The following PCYT2 variants were observed in gnomAD, a reference collection of about 807,000 sequenced individuals.
PCYT2 encodes ethanolamine-phosphate cytidylyltransferase.
Under a neutral mutation model 50.0 loss-of-function variants are expected in PCYT2, and 33 were observed. The observed-to-expected ratio is 0.66, with a 90% CI of 0.50 to 0.88. PCYT2 has a LOEUF of 0.88. Among genes scored for constraint, PCYT2 ranks in the 40% least tolerant of loss-of-function variants. PCYT2 has a pLI of 0.00. For missense variants in PCYT2, 430 were observed against 519.7 expected (o/e 0.83, Z 1.68); for synonymous variants, 240 against 203.7 (o/e 1.18, Z -1.52).
At position 81,906,549 on chromosome 17, in the gene PCYT2, G is replaced by A. The variant is rs1455014828; in HGVS notation, c.677-3C>T. On this transcript the variant is annotated splice_region_variant and splice_polypyrimidine_tract_variant and intron_variant, in intron 7 of 12. Transcript: ENST00000538936. ...CAGGAAGTCCACATGCCCGATGTCT[G>A]CACCCAGGTTAAGAAGCAGTCGGGA... is the stretch of plus-strand genomic sequence containing the variant. 2 of 1,613,216 alleles carry A rather than the reference G, an allele frequency of 1.2e-6. No homozygotes were observed. The highest frequency in any genetic ancestry group is 1.7e-5 in the Admixed American group (1 of 60,020).
At chr17:81,906,734 G>A (rs750414060) in intron 7 of PCYT2, 26 bp downstream of exon 7, 7 of 1,610,460 alleles carry the variant, frequency 4.3e-6, no homozygotes, top group East Asian at 2.2e-5. Context: ...GCACATGTAG[G>A]GGAGCAGCAG....
Position 81,902,356 on chromosome 17 carries a change from A to C in PCYT2, c.*2477T>G. 1.5e-6 allele frequency: 2 copies of C among 1,346,234 alleles called. No individual in the cohort carries two copies. The highest frequency in any genetic ancestry group is 1.9e-6 in the Non-Finnish European group (2 of 1,058,874). 83.4% of individuals were successfully genotyped at this position (1,346,234 alleles called of 1,614,324 possible). A position where few individuals can be genotyped will look rare whatever the true frequency, so the allele number is the denominator to read the frequency against. On this transcript the variant is annotated 3_prime_UTR_variant, in exon 13 of 13. Transcript: ENST00000538936. ...GGCGCCGCCTGGCCTCGCGTGGTAC[A>C]AGCCAGCGGCGGGGCACAGCTCCTA...
At chr17:81,905,020 G>T in intron 12 of PCYT2, 46 bp downstream of exon 12, 1 of 1,592,408 alleles carries the variant, frequency 6.3e-7, no homozygotes, top group Non-Finnish European at 8.6e-7. Flanking sequence ...AAGTCTAGCG[G>T]AGAGCGCCCA....
intron 3 of PCYT2, 67 bp from the exon 4 acceptor site, chr17:81,908,701 C>A: frequency 7.0e-7 from 1 of 1,419,718 alleles, no homozygotes; most frequent in Non-Finnish European, 9.9e-7. Context: ...GAGCCCAGGA[C>A]CCTCTCGGCC....
intron 1 of PCYT2, among the ~76,000 whole-genome samples, chr17:81,910,017 G>A (rs1057018230): frequency 6.6e-6 from 1 of 152,172 alleles, no homozygotes; most frequent in Non-Finnish European, 1.5e-5. Flanking sequence ...AGACTACCTT[G>A]AGACAAGCAA....
Position 81,905,395 on chromosome 17 carries a change from G to C in PCYT2, c.956C>G (p.Ser319Cys), listed in dbSNP as rs978681091. ...KTEIIPDRDG[S>C]DPYQEPKRRG... ...AGCATGACCCACCTGGTATGGGTCGGAGCCATCCCTGTCAGGGATAATTTC... is the reference window on the plus strand; with the variant it reads ...AGCATGACCCACCTGGTATGGGTCGCAGCCATCCCTGTCAGGGATAATTTC... Residue 319 changes from serine to cysteine, a missense_variant, in exon 11 of 13, where the codon TCC becomes TGC. Around this residue, in one of 4 missense-constraint regions of PCYT2, gnomAD observed 248 missense variants for 300.2 expected, o/e 0.83. Coordinates refer to ENST00000538936, the MANE Select transcript of PCYT2 (RefSeq NM_002861.5). The C allele has an allele frequency of 5.1e-6, 8 of 1,560,898 alleles. No homozygotes were observed. The highest frequency in any genetic ancestry group is 6.9e-6 in the Non-Finnish European group (8 of 1,152,492).
In PCYT2 at chr17:81,909,152, G is replaced by C. The variant is rs185044747; in HGVS notation, c.179-115C>G. 8.9e-5 allele frequency: 135 copies of C among 1,510,668 alleles called. 1 individual carries two copies. In the East Asian group the frequency reaches 2.5e-3, roughly 28 times the overall value. 93.6% of individuals were successfully genotyped at this position (1,510,668 alleles called of 1,614,324 possible). On this transcript the variant is annotated intron_variant, in intron 2 of 12. Transcript: ENST00000538936. ...ACAAGAGGGCCGGTGGGGGCAGGCT[G>C]TCTCTCTACCCTGGCCCTTAGCCCA... is the stretch of plus-strand genomic sequence containing the variant.
chr17:81,908,757 C>G, intron 3 of PCYT2, 119 bp downstream of exon 3: 1 of 1,333,068 alleles, frequency 7.5e-7, no homozygotes, highest in East Asian at 2.3e-5. Flanking sequence ...GGTGGGGGCC[C>G]GGAAATGTCT....
At position 81,902,288 on chromosome 17, in the gene PCYT2, C is replaced by G. The variant is rs1021028439; in HGVS notation, c.*2545G>C. The G allele has an allele frequency of 1.5e-6, 2 of 1,319,418 alleles. No homozygotes were observed. The highest frequency in any genetic ancestry group is 1.9e-6 in the Non-Finnish European group (2 of 1,041,904). 81.7% of individuals were successfully genotyped at this position (1,319,418 alleles called of 1,614,324 possible). Reference sequence around the variant, plus strand: ...TCAGCCGGCGTCCCCATGGCCCGGTCCGCGACACTGGCGGCCGCCGCCCTG... The same window carrying G: ...TCAGCCGGCGTCCCCATGGCCCGGTGCGCGACACTGGCGGCCGCCGCCCTG... On this transcript the variant is annotated 3_prime_UTR_variant, in exon 13 of 13. Transcript: ENST00000538936.
Position 81,907,668 on chromosome 17 carries a change from G to A in PCYT2, c.493-70C>T. 8 of 1,596,566 alleles carry A rather than the reference G, an allele frequency of 5.0e-6. No homozygotes were observed. The South Asian group carries it at 8.9e-5, about 18-fold the overall frequency. ...CGTGGCCACCCCAGAACCGGCTGGG[G>A]ATGGGGAGCAGTGGGCAGGAGGACC... On this transcript the variant is annotated intron_variant, in intron 5 of 12. Coordinates refer to ENST00000538936, the MANE Select transcript of PCYT2 (RefSeq NM_002861.5).
intron 5 of PCYT2, 62 bp from the exon 6 acceptor site, chr17:81,907,660 C>T (rs1206371985): frequency 1.0e-5 from 16 of 1,598,628 alleles, no homozygotes; most frequent in East Asian, 4.5e-5. Context: ...ACCCCAGAAC[C>T]GGCTGGGGAT....
At chr17:81,908,499 CA>C in intron 4 of PCYT2, 68 bp downstream of exon 4, 1 of 1,253,874 alleles carries the variant, frequency 8.0e-7, no homozygotes, top group East Asian at 2.3e-5. Context: ...CGGTAAATAG[CA>C]AAGCACGAGC....
Position 81,902,165 on chromosome 17 carries a change from G to A in PCYT2, c.*2668C>T. 1 of 803,408 alleles carries A rather than the reference G, an allele frequency of 1.2e-6. No individual in the cohort carries two copies. Among genetic ancestry groups the A allele is most frequent in the East Asian group, 4.1e-5 (1 of 24,410 alleles). 49.8% of individuals were successfully genotyped at this position (803,408 alleles called of 1,614,324 possible). Reference sequence around the variant, plus strand: ...CCCGCTGCACCCCAGCCCGCCCGCCGCCCCTCCCGGCCCTCCGCAGCCTCG... The same window carrying A: ...CCCGCTGCACCCCAGCCCGCCCGCCACCCCTCCCGGCCCTCCGCAGCCTCG... On this transcript the variant is annotated 3_prime_UTR_variant, in exon 13 of 13. Coordinates refer to ENST00000538936, the MANE Select transcript of PCYT2 (RefSeq NM_002861.5).
In PCYT2 at chr17:81,902,194, C is replaced by T. The variant is rs897266476; in HGVS notation, c.*2639G>A. 12 of 1,174,864 alleles carry T rather than the reference C, an allele frequency of 1.0e-5. No homozygotes were observed. Among genetic ancestry groups the T allele is most frequent in the African/African-American group, 6.4e-5 (4 of 62,550 alleles). 72.8% of individuals were successfully genotyped at this position (1,174,864 alleles called of 1,614,324 possible). On this transcript the variant is annotated 3_prime_UTR_variant, in exon 13 of 13. Coordinates refer to ENST00000538936, the MANE Select transcript of PCYT2 (RefSeq NM_002861.5). ...CTCCCGGCCCTCCGCAGCCTCGGCC[C>T]GCCCTCGCCGCAGATATAAGGCGGC...
Position 81,904,759 on chromosome 17 carries a change from T to TG in PCYT2, c.*73dup. 9.9e-7 allele frequency: 1 copy of TG among 1,010,256 alleles called. No homozygotes were observed. The allele number at this position is 1,010,256 out of a possible 1,614,324, so 62.6% of individuals were successfully genotyped here. A position where few individuals can be genotyped will look rare whatever the true frequency, so the allele number is the denominator to read the frequency against. ...CCAGGCCAGTTAGAGAGGGCGGCCC[T>TG]GCAGAGTCCTATGTCCAAACGCAGA... On this transcript the variant is annotated 3_prime_UTR_variant, in exon 13 of 13. Coordinates refer to ENST00000538936, the MANE Select transcript of PCYT2 (RefSeq NM_002861.5).
At chr17:81,907,960 C>G in intron 4 of PCYT2, 103 bp from the exon 5 acceptor site, 1 of 921,188 alleles carries the variant, frequency 1.1e-6, no homozygotes, top group Non-Finnish European at 1.7e-6. Context: ...GTGGCAGAAC[C>G]CACGGCTGCC....
chr17:81,907,240 G>A (rs1324943117), intron 6 of PCYT2: 8 of 1,534,338 alleles, frequency 5.2e-6, no homozygotes, highest in Middle Eastern at 3.3e-4. Flanking sequence ...TGTCCCCGGC[G>A]GGTATCGGGT....
chr17:81,905,897 A>T, intron 9 of PCYT2, 162 bp from the exon 10 acceptor site: 1 of 792,612 alleles, frequency 1.3e-6, no homozygotes, highest in Non-Finnish European at 2.1e-6. Flanking sequence ...CCATGAGACA[A>T]GAAGGAACAG....
At chr17:81,909,493 G>T in intron 2 of PCYT2, 21 bp downstream of exon 2, 1 of 1,598,122 alleles carries the variant, frequency 6.3e-7, no homozygotes, top group South Asian at 1.1e-5. Context: ...GCCGCGGGTG[G>T]GCGAGGCCAT....
Sources: allele counts gnomAD v4.1 joint callset (sites outside exome capture counted in the v4.1 genomes callset), GRCh38; gene constraint gnomAD v4.1.1; regional missense constraint gnomAD v4.1.1; transcripts MANE v1.5; gene names NCBI Gene and HGNC (gene_info 2026-07-23, HGNC 2026-07-21).